OPA1: variants seen among roughly 807,000 people sequenced by gnomAD.
OPA1 encodes the protein OPA1 mitochondrial dynamin like GTPase.
OPA1 carries 59 observed loss-of-function variants against 152.9 expected under a neutral mutation model. The observed-to-expected ratio is 0.39, with a 90% confidence interval of 0.31 to 0.48. The LOEUF (loss-of-function observed/expected upper bound fraction) is 0.48, where lower values mean the gene tolerates loss of function less well. Ranked by LOEUF, OPA1 falls within the 20% of genes least tolerant of loss-of-function variation. OPA1 has a pLI of 0.96. For synonymous variants in OPA1, 400 were observed against 389.9 expected, an observed-to-expected ratio of 1.03 and a Z score of -0.31; for missense variants, 1,008 against 1,216.8, an observed-to-expected ratio of 0.83 and a Z score of 2.55.
chr3:193,667,047 A>G, intron 28 of OPA1, 123 bp from the exon 29 acceptor site: 1 of 649,904 alleles, frequency 1.5e-6, no homozygotes, highest in Non-Finnish European at 2.8e-6. Context: ...ATGACTATGA[A>G]AAGTATTAGC....
At chr3:193,652,861 G>GC (rs1560388613) in intron 21 of OPA1, among the ~76,000 whole-genome samples, 1 of 152,126 alleles carries the variant, frequency 6.6e-6, no homozygotes, top group African/African-American at 2.4e-5. Flanking sequence ...TGTCAAAGCA[G>GC]CAACCTCCCT....
At chr3:193,594,891 A>G (rs1725265418) in intron 1 of OPA1, among the ~76,000 whole-genome samples, 1 of 152,230 alleles carries the variant, frequency 6.6e-6, no homozygotes, top group Non-Finnish European at 1.5e-5. Flanking sequence ...TTTAGTGAGG[A>G]AACATATCTG....
chr3:193,608,071 T>C (rs1727569976), intron 1 of OPA1, among the ~76,000 whole-genome samples: 1 of 152,186 alleles, frequency 6.6e-6, no homozygotes, highest in African/African-American at 2.4e-5. Flanking sequence ...TTGTCTGTTA[T>C]TGGTATATAA....
intron 16 of OPA1, among the ~76,000 whole-genome samples, chr3:193,645,043 A>G (rs1379695392): frequency 6.6e-6 from 1 of 151,324 alleles, no homozygotes; most frequent in Non-Finnish European, 1.5e-5. Flanking sequence ...ATCCTAAAAG[A>G]GTTGAGAAGC....
intron 29 of OPA1, among the ~76,000 whole-genome samples, chr3:193,685,225 C>G (rs1236189579): frequency 2.0e-5 from 3 of 151,918 alleles, no homozygotes; most frequent in Non-Finnish European, 4.4e-5. Flanking sequence ...TCATTTGAAA[C>G]CGGGAGGCGG....
intron 22 of OPA1, among the ~76,000 whole-genome samples, chr3:193,655,229 G>A (rs1429508847): frequency 1.3e-5 from 2 of 152,064 alleles, no homozygotes; most frequent in Non-Finnish European, 2.9e-5. Context: ...TTACTAATTG[G>A]TATGATGTTG....
At chr3:193,682,603 A>G (rs1720330743) in intron 29 of OPA1, among the ~76,000 whole-genome samples, 1 of 152,184 alleles carries the variant, frequency 6.6e-6, no homozygotes, top group Non-Finnish European at 1.5e-5. Context: ...AAGCCAACCT[A>G]AAGAATTTAC....
At chr3:193,641,706 A>C (rs1733811236) in intron 11 of OPA1, among the ~76,000 whole-genome samples, 1 of 152,226 alleles carries the variant, frequency 6.6e-6, no homozygotes, top group South Asian at 2.1e-4. Context: ...TGTTTAGCTA[A>C]TCTCAGTAGA....
At position 193,647,074 on chromosome 3, in the gene OPA1, G is replaced by A. The variant is rs1352941521; in HGVS notation, c.1764G>A (p.Met588Ile). ...TATTTTTTTTTAATAGGACAAGCAT[G>A]CTAAAGGCACACCAAGTGACTACAA... ...FQNSKLLKTS[M>I]LKAHQVTTRN... The change falls in exon 19 of 31, where the codon ATG (methionine) becomes ATA (isoleucine). Residue 588 changes from methionine to isoleucine, a missense_variant. This residue lies in a region of OPA1 where 213 missense variants were observed against 291.4 expected (regional missense o/e 0.73). Coordinates refer to ENST00000361510, the MANE Select transcript of OPA1 (RefSeq NM_130837.3). 1.2e-6 allele frequency: 2 copies of A among 1,609,280 alleles called. No homozygotes were observed. The highest frequency in any genetic ancestry group is 8.5e-7 in the Non-Finnish European group (1 of 1,177,122).
chr3:193,667,321 C>T (rs767903014), intron 29 of OPA1, 41 bp downstream of exon 29: 1 of 917,130 alleles, frequency 1.1e-6, no homozygotes, highest in Admixed American at 1.7e-5. Flanking sequence ...TACCTTTCCA[C>T]CTTTCCCATT....
chr3:193,616,944 C>T (rs1018865369), intron 3 of OPA1, among the ~76,000 whole-genome samples: 4 of 152,218 alleles, frequency 2.6e-5, no homozygotes, highest in Non-Finnish European at 5.9e-5. Context: ...GCCAGTACCA[C>T]AGCGTAGTGG....
At chr3:193,634,513 G>A (rs926908003) in intron 8 of OPA1, among the ~76,000 whole-genome samples, 1 of 151,842 alleles carries the variant, frequency 6.6e-6, no homozygotes, top group Admixed American at 6.6e-5. Context: ...CGCCTCCCGG[G>A]TTCAAGCGAT....
chr3:193,682,878 C>T (rs1270714872), intron 29 of OPA1, among the ~76,000 whole-genome samples: 1 of 152,080 alleles, frequency 6.6e-6, no homozygotes, highest in African/African-American at 2.4e-5. Context: ...ATCCATTCTG[C>T]AGCCCATGGA....
intron 1 of OPA1, among the ~76,000 whole-genome samples, chr3:193,610,385 G>A (rs1397778953): frequency 5.3e-5 from 8 of 152,238 alleles, no homozygotes; most frequent in Non-Finnish European, 1.0e-4. Flanking sequence ...CTGCCTGATC[G>A]TTCCTCTGGA....
intron 1 of OPA1, among the ~76,000 whole-genome samples, chr3:193,595,937 T>C (rs920912984): frequency 6.6e-6 from 1 of 152,184 alleles, no homozygotes; most frequent in Non-Finnish European, 1.5e-5. Context: ...ATATACCCTA[T>C]GTATATATGC....
intron 29 of OPA1, among the ~76,000 whole-genome samples, chr3:193,681,035 G>A (rs1187891013): frequency 6.6e-6 from 1 of 152,088 alleles, no homozygotes; most frequent in Non-Finnish European, 1.5e-5. Context: ...TTAAAAAGAT[G>A]ATCATAAATC....
intron 5 of OPA1, chr3:193,618,597 G>A (rs1187325633): frequency 2.4e-6 from 1 of 414,716 alleles, no homozygotes; most frequent in African/African-American, 2.0e-5. Flanking sequence ...CCTTACCAAA[G>A]ATTGTCTTAT....
At chr3:193,685,050 C>T (rs1720743713) in intron 29 of OPA1, among the ~76,000 whole-genome samples, 1 of 151,764 alleles carries the variant, frequency 6.6e-6, no homozygotes, top group Non-Finnish European at 1.5e-5. Context: ...GCCTGTAATC[C>T]CAGCACTTTG....
chr3:193,625,398 A>G (rs1730924701), intron 6 of OPA1, among the ~76,000 whole-genome samples: 1 of 152,112 alleles, frequency 6.6e-6, no homozygotes, highest in Non-Finnish European at 1.5e-5. Flanking sequence ...GCTTGGCTGT[A>G]TTCTCAGAGG....
Sources: allele counts gnomAD v4.1 joint callset (sites outside exome capture counted in the v4.1 genomes callset), GRCh38; gene constraint gnomAD v4.1.1; regional missense constraint gnomAD v4.1.1; transcripts MANE v1.5; gene names NCBI Gene and HGNC (gene_info 2026-07-23, HGNC 2026-07-21).